DCC: variants seen among roughly 807,000 people sequenced by gnomAD.
The protein encoded by DCC is DCC netrin 1 receptor, also known as netrin receptor DCC.
In DCC, 58 loss-of-function variants were observed where a neutral mutation model predicts 172.5. The observed-to-expected ratio is 0.34, with a 90% CI of 0.27 to 0.42. The LOEUF (loss-of-function observed/expected upper bound fraction) is 0.42. DCC is among the 10% of genes least tolerant of loss of function. DCC has a pLI of 1.00. For synonymous variants in DCC, 709 were observed against 644.5 expected, an observed-to-expected ratio of 1.10 and a Z score of -1.52; for missense variants, 1,740 against 1,791.0, an observed-to-expected ratio of 0.97 and a Z score of 0.51.
intron 7 of DCC, among the ~76,000 whole-genome samples, chr18:53,076,570 T>A (rs1470043562): frequency 6.6e-6 from 1 of 152,192 alleles, no homozygotes; most frequent in Non-Finnish European, 1.5e-5. Flanking sequence ...ATACCTCTTT[T>A]TCTGTAGAGT....
intron 1 of DCC, among the ~76,000 whole-genome samples, chr18:52,746,524 A>G (rs1030636325): frequency 6.6e-6 from 1 of 152,158 alleles, no homozygotes; most frequent in African/African-American, 2.4e-5. Flanking sequence ...AATGTTTGAT[A>G]TTGTAGATAA....
At chr18:52,758,426 A>T (rs1215332886) in intron 2 of DCC, among the ~76,000 whole-genome samples, 2 of 152,174 alleles carry the variant, frequency 1.3e-5, no homozygotes, top group Non-Finnish European at 1.5e-5. Context: ...ATTACAATAG[A>T]TGTTCAAGAT....
chr18:52,722,518 C>T (rs1437416152), intron 1 of DCC, among the ~76,000 whole-genome samples: 1 of 152,176 alleles, frequency 6.6e-6, no homozygotes, highest in African/African-American at 2.4e-5. Flanking sequence ...ACTCTCCCAA[C>T]CCCCACTCCA....
At chr18:52,398,400 T>C (rs1400448749) in intron 1 of DCC, among the ~76,000 whole-genome samples, 1 of 152,006 alleles carries the variant, frequency 6.6e-6, no homozygotes, top group Non-Finnish European at 1.5e-5. Flanking sequence ...AACTCTTAGG[T>C]GTTACTAACT....
intron 1 of DCC, among the ~76,000 whole-genome samples, chr18:52,741,954 C>A (rs1038345040): frequency 2.6e-4 from 40 of 152,232 alleles, no homozygotes; most frequent in Middle Eastern, 3.4e-3. Flanking sequence ...TAGGGTTAGA[C>A]AAGATCATAA....
chr18:53,442,882 A>T (rs183680190), intron 22 of DCC, among the ~76,000 whole-genome samples: 5 of 152,340 alleles, frequency 3.3e-5, no homozygotes, highest in Non-Finnish European at 7.3e-5. Flanking sequence ...TCAAAGCTTT[A>T]TCCAGAGCAA....
At chr18:53,494,735 G>A (rs141099685) in intron 26 of DCC, among the ~76,000 whole-genome samples, 18 of 152,266 alleles carry the variant, frequency 1.2e-4, no homozygotes, top group African/African-American at 4.3e-4. Context: ...CCTGAATACA[G>A]CACACTGATG....
At chr18:52,680,467 G>A (rs552355011) in intron 1 of DCC, among the ~76,000 whole-genome samples, 9 of 152,194 alleles carry the variant, frequency 5.9e-5, no homozygotes, top group Admixed American at 3.3e-4. Context: ...TTCCTTTGTC[G>A]TATGTTCTCT....
chr18:52,827,411 T>C (rs1254729169), intron 2 of DCC, among the ~76,000 whole-genome samples: 1 of 152,194 alleles, frequency 6.6e-6, no homozygotes, highest in African/African-American at 2.4e-5. Flanking sequence ...ATTTGTGAAT[T>C]TGCATTTGGG....
chr18:52,788,386 A>C (rs2037698214), intron 2 of DCC, among the ~76,000 whole-genome samples: 1 of 152,164 alleles, frequency 6.6e-6, no homozygotes, highest in African/African-American at 2.4e-5. Context: ...ATTGCAGAGT[A>C]GGTCTGACTC....
intron 2 of DCC, among the ~76,000 whole-genome samples, chr18:52,903,099 T>G (rs1314099779): frequency 6.6e-6 from 1 of 152,222 alleles, no homozygotes; most frequent in Non-Finnish European, 1.5e-5. Flanking sequence ...GAGTATCAGT[T>G]TGAATTACTA....
intron 2 of DCC, among the ~76,000 whole-genome samples, chr18:52,808,572 A>C (rs543586801): frequency 6.6e-6 from 1 of 152,252 alleles, no homozygotes; most frequent in Non-Finnish European, 1.5e-5. Flanking sequence ...AGGAAAATAC[A>C]TAAATGGAAA....
At chr18:53,277,776 A>G (rs146571114) in intron 12 of DCC, among the ~76,000 whole-genome samples, 1 of 152,160 alleles carries the variant, frequency 6.6e-6, no homozygotes, top group Non-Finnish European at 1.5e-5. Flanking sequence ...CCATGCTGTC[A>G]TATTTACAGC....
intron 1 of DCC, among the ~76,000 whole-genome samples, chr18:52,562,818 CA>C (rs2033069593): frequency 6.6e-6 from 1 of 151,810 alleles, no homozygotes; most frequent in South Asian, 2.1e-4. Flanking sequence ...TTTGTAGGGA[CA>C]GAGTCTCACC....
chr18:53,093,787 C>A (rs1292072760), intron 7 of DCC, among the ~76,000 whole-genome samples: 1 of 152,086 alleles, frequency 6.6e-6, no homozygotes. Context: ...GCCTGAGCAG[C>A]GCAGACACTA....
At chr18:53,262,764 G>T (rs1368397746) in intron 12 of DCC, among the ~76,000 whole-genome samples, 1 of 152,142 alleles carries the variant, frequency 6.6e-6, no homozygotes, top group Non-Finnish European at 1.5e-5. Context: ...TTAATGGAGG[G>T]TTGAAAATGG....
chr18:53,004,745 T>G (rs140101337), intron 5 of DCC, among the ~76,000 whole-genome samples: 1 of 152,128 alleles, frequency 6.6e-6, no homozygotes, highest in African/African-American at 2.4e-5. Flanking sequence ...TATGTGTGAT[T>G]CCCTGTGCCA....
At chr18:53,379,194 G>A (rs756590307) in intron 15 of DCC, among the ~76,000 whole-genome samples, 13 of 152,210 alleles carry the variant, frequency 8.5e-5, no homozygotes, top group African/African-American at 2.2e-4. Context: ...AGGTATCTGC[G>A]TTAGCAAAGC....
intron 2 of DCC, among the ~76,000 whole-genome samples, chr18:52,900,751 C>T (rs778403131): frequency 2.0e-5 from 3 of 152,322 alleles, no homozygotes; most frequent in Non-Finnish European, 2.9e-5. Flanking sequence ...GTGTGGGACA[C>T]TTCCAACAAC....
Sources: allele counts gnomAD v4.1 joint callset (sites outside exome capture counted in the v4.1 genomes callset), GRCh38; gene constraint gnomAD v4.1.1; transcripts MANE v1.5; gene names NCBI Gene and HGNC (gene_info 2026-07-23, HGNC 2026-07-21).